LACC1: variants seen among roughly 807,000 people sequenced by gnomAD.
LACC1 encodes the protein purine nucleoside phosphorylase LACC1.
LACC1 carries 25 observed loss-of-function variants against 34.8 expected under a neutral mutation model. The ratio of observed to expected loss-of-function variants is 0.72; its 90% CI spans 0.52 to 1.00. The LOEUF is 1.00. Ranked by LOEUF, LACC1 falls within the 50% of genes least tolerant of loss-of-function variation. The pLI is 0.00. For synonymous variants in LACC1, 162 were observed against 168.0 expected, an observed-to-expected ratio of 0.96 and a Z score of 0.28; for missense variants, 426 against 511.2, an observed-to-expected ratio of 0.83 and a Z score of 1.61.
chr13:43,892,438 G>A lies in LACC1; in HGVS notation c.*991G>A, dbSNP rs532881653. 1.3e-5 allele frequency: 2 copies of A among 152,170 alleles called. No homozygotes were observed. Among genetic ancestry groups the A allele is most frequent in the East Asian group, 1.9e-4 (1 of 5,172 alleles). 9.4% of individuals were successfully genotyped at this position (152,170 alleles called of 1,614,324 possible). ...TAATGGAAGTAAGAGGTGAGGAAGA[G>A]TGGAAAAGTCATTAATGACTCTAAG... is the stretch of plus-strand genomic sequence containing the variant. On this transcript the variant is annotated 3_prime_UTR_variant, in exon 7 of 7. Transcript: ENST00000325686.
chr13:43,882,487 T>C, intron 3 of LACC1, 124 bp downstream of exon 3: 1 of 650,358 alleles, frequency 1.5e-6, no homozygotes, highest in East Asian at 3.0e-5. Context: ...AGAATAATGC[T>C]GTGGTTGTCT....
At chr13:43,880,905 A>G (rs758310846) in intron 1 of LACC1, 47 bp from the exon 2 acceptor site, 19 of 1,218,076 alleles carry the variant, frequency 1.6e-5, no homozygotes, top group Non-Finnish European at 2.1e-5. Context: ...TGTTGTAACT[A>G]TAAGATTTAT....
intron 4 of LACC1, among the ~76,000 whole-genome samples, chr13:43,885,410 C>T (rs1955267723): frequency 6.6e-6 from 1 of 152,118 alleles, no homozygotes. Flanking sequence ...AAAACTGACA[C>T]ATAGGCCAAT....
intron 3 of LACC1, among the ~76,000 whole-genome samples, chr13:43,883,515 T>C (rs527944136): frequency 6.6e-6 from 1 of 152,328 alleles, no homozygotes; most frequent in East Asian, 1.9e-4. Flanking sequence ...TGTTCATTAT[T>C]CACTATATTG....
At chr13:43,890,025 T>A (rs920090763) in intron 5 of LACC1, 89 bp from the exon 6 acceptor site, 1 of 1,161,842 alleles carries the variant, frequency 8.6e-7, no homozygotes, top group Admixed American at 2.3e-5. Context: ...CTGGAACTTT[T>A]TCATGCCAAC....
intron 2 of LACC1, 93 bp from the exon 3 acceptor site, chr13:43,882,092 A>C: frequency 5.5e-6 from 5 of 910,942 alleles, no homozygotes; most frequent in Admixed American, 5.3e-5. Context: ...AAGCCAAATA[A>C]CAAGGGCAGG....
In LACC1 at chr13:43,881,470, A is replaced by G. The variant is rs1167110872; in HGVS notation, c.485A>G (p.Asn162Ser). Residue 162 changes from asparagine (N) to serine (S), a missense_variant, in exon 2 of 7, where the codon AAT becomes AGT. Asn to Ser is a conservative substitution (Grantham distance 46, BLOSUM62 1). This residue lies in a region of LACC1 where 217 missense variants were observed against 210.9 expected (regional missense o/e 1.03). Transcript: ENST00000325686. ...GCTCAAGAACTAAGAGGAATTCAGA[A>G]TGAAATAGAAACATTTTTGAGAAGT... Reference protein sequence around the residue: ...ITAQELRGIQNEIETFLRSLP... With the variant: ...ITAQELRGIQSEIETFLRSLP... 5.0e-6 allele frequency: 8 copies of G among 1,613,820 alleles called. No homozygotes were observed. The East Asian group carries it at 1.8e-4, about 36-fold the overall frequency.
chr13:43,887,639 A>C (rs1955390553), intron 4 of LACC1, among the ~76,000 whole-genome samples: 1 of 152,208 alleles, frequency 6.6e-6, no homozygotes, highest in African/African-American at 2.4e-5. Context: ...GGGAGAGATG[A>C]AAACTGCAAA....
Position 43,888,891 on chromosome 13 carries a change from G to C in LACC1, c.1042G>C (p.Glu348Gln). Residue 348 changes from glutamate (E) to glutamine (Q), a missense_variant, in exon 5 of 7, where the codon GAA (glutamate) becomes CAA (glutamine). This residue lies in a region of LACC1 where 209 missense variants were observed against 300.3 expected (regional missense o/e 0.70). Coordinates refer to ENST00000325686, the MANE Select transcript of LACC1 (RefSeq NM_153218.4). The stretch of plus-strand genomic sequence containing the variant: ...ACCTTGCTGTTTTACTCTTCCAAGG[G>C]AATCAGCAGAGGCATTTCATAATCT... ...VGPCCFTLPR[E>Q]SAEAFHNLHP... The C allele has an allele frequency of 2.5e-6, 4 of 1,613,828 alleles. No homozygotes were observed. The highest frequency in any genetic ancestry group is 3.4e-6 in the Non-Finnish European group (4 of 1,179,794).
intron 5 of LACC1, among the ~76,000 whole-genome samples, chr13:43,889,306 A>T (rs557364476): frequency 6.6e-6 from 1 of 152,308 alleles, no homozygotes; most frequent in East Asian, 1.9e-4. Flanking sequence ...TCCTCAGCTA[A>T]ATTCTCCTAA....
At chr13:43,890,083 T>C in intron 5 of LACC1, 31 bp from the exon 6 acceptor site, 1 of 1,580,076 alleles carries the variant, frequency 6.3e-7, no homozygotes, top group Non-Finnish European at 8.6e-7. Flanking sequence ...AAATAAACTC[T>C]TGCTCTCTTT....
rs1955617596 is a variant in LACC1 at position 43,892,906 on chromosome 13, A to G, written c.*1459A>G. ...TGAAACTGTTCTATAGGCAGTGGTC[A>G]TTGAGTCAGCTTTCAGTGCATTAGG... is the stretch of plus-strand genomic sequence containing the variant. On this transcript the variant is annotated 3_prime_UTR_variant, in exon 7 of 7. Transcript: ENST00000325686. The G allele has an allele frequency of 6.6e-6, 1 of 152,282 alleles. No homozygotes were observed. 9.4% of individuals were successfully genotyped at this position (152,282 alleles called of 1,614,324 possible).
In LACC1 at chr13:43,882,376, T is replaced by C. The variant is rs772049177; in HGVS notation, c.741+13T>C. 1.3e-6 allele frequency: 2 copies of C among 1,596,912 alleles called. No homozygotes were observed. The highest frequency in any genetic ancestry group is 1.7e-6 in the Non-Finnish European group (2 of 1,171,988). ...TTACCGAATAAAGGTAAAATTTTGC[T>C]TTATATTTTGAAAGATCTAAAGTAT... On this transcript the variant is annotated intron_variant, in intron 3 of 6. Transcript: ENST00000325686.
Position 43,890,201 on chromosome 13 carries a change from C to T in LACC1, c.1221C>T (p.Asp407=). 1 of 1,613,766 alleles carries T rather than the reference C, an allele frequency of 6.2e-7. No homozygotes were observed. Among genetic ancestry groups the T allele is most frequent in the South Asian group, 1.1e-5 (1 of 91,058 alleles). Residue 407 remains aspartate, a synonymous_variant, in exon 6 of 7, where the codon GAC becomes GAT. Coordinates refer to ENST00000325686, the MANE Select transcript of LACC1 (RefSeq NM_153218.4). ...ACCTCTGTACATCTTGCCATCCTGA[C>T]AAGTTTTTCTCCCATGTCCGAGATG... ...DLNLCTSCHP[D]KFFSHVRDGL... is the part of the protein sequence containing the mutation.
Position 43,888,954 on chromosome 13 carries a change from C to T in LACC1, c.1105C>T (p.Pro369Ser), listed in dbSNP as rs1307509614. The T allele has an allele frequency of 3.1e-6, 5 of 1,613,344 alleles. No individual in the cohort carries two copies. The highest frequency in any genetic ancestry group is 4.2e-6 in the Non-Finnish European group (5 of 1,179,520). ...TGTACAACTATTTGATTCACCAAATCCCTGTATCGACATCCGTAAAGCCAC... is the reference window on the plus strand; with the variant it reads ...TGTACAACTATTTGATTCACCAAATTCCTGTATCGACATCCGTAAAGCCAC... ...ACVQLFDSPN[P>S]CIDIRKATRI... is the part of the protein sequence containing the mutation. Residue 369 changes from proline to serine, a missense_variant, in exon 5 of 7, where the codon CCC becomes TCC. Physicochemically the swap from Pro to Ser is moderately conservative, Grantham distance 74. Coordinates refer to ENST00000325686, the MANE Select transcript of LACC1 (RefSeq NM_153218.4).
Position 43,888,867 on chromosome 13 carries a change from C to T in LACC1, c.1018C>T (p.Pro340Ser), listed in dbSNP as rs79734099. 1,107 of 1,613,784 alleles carry T rather than the reference C, an allele frequency of 6.9e-4. 8 individuals are homozygous for T. The African/African-American group carries it at 0.014, about 20-fold the overall frequency. Residue 340 changes from proline to serine, a missense_variant, in exon 5 of 7, where the codon CCT becomes TCT. This residue lies in a region of LACC1 where 209 missense variants were observed against 300.3 expected (regional missense o/e 0.70). Coordinates refer to ENST00000325686, the MANE Select transcript of LACC1 (RefSeq NM_153218.4). ...TGTTGTACTTGGACCTTCAGTAGGA[C>T]CTTGCTGTTTTACTCTTCCAAGGGA... is the stretch of plus-strand genomic sequence containing the variant. The part of the protein sequence containing the change: ...IVVVLGPSVG[P>S]CCFTLPRESA...
chr13:43,883,847 G>A lies in LACC1; in HGVS notation c.818G>A (p.Arg273Lys), dbSNP rs776473008. Residue 273 changes from arginine to lysine, a missense_variant, in exon 4 of 7, where the codon AGA (arginine) becomes AAA (lysine). This residue lies in a region of LACC1 where 209 missense variants were observed against 300.3 expected (regional missense o/e 0.70). Coordinates refer to ENST00000325686, the MANE Select transcript of LACC1 (RefSeq NM_153218.4). ...TATGATGGAATAACCACAAATCAGAGAGGAGTCACAATAGCAGCTCTTGGT... is the reference window on the plus strand; with the variant it reads ...TATGATGGAATAACCACAAATCAGAAAGGAGTCACAATAGCAGCTCTTGGT... ...DSYDGITTNQ[R>K]GVTIAALGAD... The A allele has an allele frequency of 1.2e-6, 2 of 1,613,850 alleles. No individual in the cohort carries two copies. Among genetic ancestry groups the A allele is most frequent in the Admixed American group, 1.7e-5 (1 of 60,016 alleles).
chr13:43,882,602 G>A (rs1209337893), intron 3 of LACC1, among the ~76,000 whole-genome samples: 1 of 121,998 alleles, frequency 8.2e-6, no homozygotes, highest in Non-Finnish European at 1.8e-5. Context: ...CACACATATA[G>A]TAAGTCATCC....
intron 4 of LACC1, among the ~76,000 whole-genome samples, chr13:43,886,630 G>A (rs542304984): frequency 9.9e-5 from 15 of 152,222 alleles, no homozygotes; most frequent in South Asian, 4.1e-4. Context: ...GGTGACGACT[G>A]AAGAACTGTC....
Sources: gnomAD v4.1 joint callset for allele counts (sites outside exome capture counted in the v4.1 genomes callset) on GRCh38, gnomAD v4.1.1 for gene constraint, gnomAD v4.1.1 regional missense constraint, MANE v1.5 for transcripts, NCBI Gene and HGNC (gene_info 2026-07-23, HGNC 2026-07-21) for gene names.